Variants in IQCM observed in about 807,000 individuals in gnomAD.
The protein encoded by IQCM is IQ motif containing M, also known as IQ domain-containing protein M.
A neutral mutation model predicts 57.6 loss-of-function variants in IQCM; 45 were observed. That is an observed-to-expected ratio of 0.78 (90% CI 0.62 to 1.00). The LOEUF (loss-of-function observed/expected upper bound fraction) is 1.00. Among genes scored for constraint, IQCM ranks in the 50% least tolerant of loss-of-function variants. The pLI is 0.00. For synonymous variants in IQCM, 148 were observed against 158.9 expected (o/e 0.93, Z 0.51); for missense variants, 468 against 511.6 (o/e 0.91, Z 0.82).
intron 5 of IQCM, among the ~76,000 whole-genome samples, chr4:149,690,436 G>A (rs1408295818): frequency 6.6e-6 from 1 of 151,844 alleles, no homozygotes; most frequent in African/African-American, 2.4e-5. Context: ...AAGGTGGGAG[G>A]GGGATGAGGG....
At chr4:149,480,693 G>C (rs1740684009) in intron 12 of IQCM, among the ~76,000 whole-genome samples, 1 of 152,190 alleles carries the variant, frequency 6.6e-6, no homozygotes, top group East Asian at 1.9e-4. Context: ...CCAAATTTTG[G>C]CAATTGTTAA....
At chr4:149,427,064 C>G (rs896618478) in intron 13 of IQCM, among the ~76,000 whole-genome samples, 4 of 151,696 alleles carry the variant, frequency 2.6e-5, no homozygotes, top group Non-Finnish European at 5.9e-5. Flanking sequence ...TTAGTGTCAT[C>G]CTTTTTTTTA....
At position 149,694,214 on chromosome 4, in the gene IQCM, AT is replaced by A. The variant is rs1273698552; in HGVS notation, c.386-7747del. ...TTACGTTTGCCAGTGCCATGGATTAATTTCTTTTTTTTTTTTTTTTTTTTTT... is the reference window on the plus strand; with the variant it reads ...TTACGTTTGCCAGTGCCATGGATTAATTCTTTTTTTTTTTTTTTTTTTTTT... On this transcript the variant is annotated intron_variant, in intron 5 of 13. Coordinates refer to ENST00000636793, the MANE Select transcript of IQCM (RefSeq NM_001363507.2). Among the ~76,000 whole-genome samples, 36 of 140,110 alleles carry A rather than the reference AT, an allele frequency of 2.6e-4. 1 individual carries two copies. The highest frequency in any genetic ancestry group is 7.0e-4 in the South Asian group (3 of 4,310). 91.9% of individuals were successfully genotyped at this position (140,110 alleles called of 152,430 possible).
intron 2 of IQCM, among the ~76,000 whole-genome samples, chr4:149,761,973 C>A (rs946450436): frequency 3.3e-5 from 5 of 151,844 alleles, no homozygotes; most frequent in African/African-American, 1.2e-4. Flanking sequence ...AAATTAAGGT[C>A]TTTAGAAATT....
intron 13 of IQCM, among the ~76,000 whole-genome samples, chr4:149,430,289 C>T (rs924760083): frequency 6.6e-6 from 1 of 151,918 alleles, no homozygotes. Flanking sequence ...AAAAATACTA[C>T]CAAAATAAAA....
At chr4:149,422,237 A>G (rs2111222446) in intron 13 of IQCM, among the ~76,000 whole-genome samples, 1 of 152,142 alleles carries the variant, frequency 6.6e-6, no homozygotes, top group East Asian at 1.9e-4. Context: ...TAGTTGGAAA[A>G]GTAAAGGAAT....
Position 149,601,705 on chromosome 4 carries a change from T to C in IQCM, c.682-13708A>G, listed in dbSNP as rs756892878. On this transcript the variant is annotated intron_variant, in intron 8 of 13. Transcript: ENST00000636793. ...TTATGAAAGTATATGTTTTAGTACATTACAGTCAACCCTTCATCTGGTTCT... is the reference window on the plus strand; with the variant it reads ...TTATGAAAGTATATGTTTTAGTACACTACAGTCAACCCTTCATCTGGTTCT... Among the ~76,000 whole-genome samples the C allele has an allele frequency of 9.8e-5, 15 of 152,292 alleles. No individual in the cohort carries two copies. The South Asian group carries it at 1.2e-3, about 13-fold the overall frequency.
chr4:149,481,434 A>G (rs895326139), intron 12 of IQCM, among the ~76,000 whole-genome samples: 3 of 152,164 alleles, frequency 2.0e-5, no homozygotes, highest in African/African-American at 4.8e-5. Context: ...ATTTTTGTAT[A>G]GAGCAAGTAA....
chr4:149,533,123 TC>T (rs1746918668), intron 12 of IQCM, among the ~76,000 whole-genome samples: 1 of 152,076 alleles, frequency 6.6e-6, no homozygotes, highest in Admixed American at 6.6e-5. Flanking sequence ...AGTCAAGTTA[TC>T]AGCCTAATTA....
At position 149,670,024 on chromosome 4, in the gene IQCM, G is replaced by T. The variant is rs188835453; in HGVS notation, c.565+12094C>A. 1.6e-4 allele frequency among the ~76,000 whole-genome samples: 24 copies of T among 152,286 alleles called. 1 individual carries two copies. The East Asian group carries it at 4.4e-3, about 28-fold the overall frequency. On this transcript the variant is annotated intron_variant, in intron 7 of 13. Transcript: ENST00000636793. Reference sequence around the variant, plus strand: ...TCCAATTATTTGAAGAAAGTCATTGGTAGCTTGATGGGGATGGCATTGAAT... The same window carrying T: ...TCCAATTATTTGAAGAAAGTCATTGTTAGCTTGATGGGGATGGCATTGAAT...
At chr4:149,592,041 C>T (rs1376287146) in intron 8 of IQCM, among the ~76,000 whole-genome samples, 1 of 152,148 alleles carries the variant, frequency 6.6e-6, no homozygotes, top group Middle Eastern at 3.2e-3. Flanking sequence ...TTGTCTTCCA[C>T]AATGGTTGAG....
chr4:149,765,009 G>A (rs1432193802), intron 2 of IQCM, among the ~76,000 whole-genome samples: 2 of 151,994 alleles, frequency 1.3e-5, no homozygotes, highest in Non-Finnish European at 2.9e-5. Flanking sequence ...ATGATAAAGA[G>A]GAGAAGAGTT....
At chr4:149,764,275 G>T (rs756692053) in intron 2 of IQCM, among the ~76,000 whole-genome samples, 1 of 152,140 alleles carries the variant, frequency 6.6e-6, no homozygotes, top group Non-Finnish European at 1.5e-5. Context: ...AAATGCAATT[G>T]TCTTAAACCC....
At chr4:149,513,209 T>G (rs1407527647) in intron 12 of IQCM, among the ~76,000 whole-genome samples, 2 of 152,128 alleles carry the variant, frequency 1.3e-5, no homozygotes, top group Non-Finnish European at 2.9e-5. Context: ...ATATACTCAG[T>G]GAGGAGAGAG....
At chr4:149,381,692 C>T (rs1351285602) in intron 13 of IQCM, among the ~76,000 whole-genome samples, 1 of 151,900 alleles carries the variant, frequency 6.6e-6, no homozygotes, top group African/African-American at 2.4e-5. Context: ...CTAGGATGCC[C>T]TATCCCTCTT....
intron 7 of IQCM, among the ~76,000 whole-genome samples, chr4:149,660,630 C>T (rs1339908809): frequency 6.6e-6 from 1 of 152,080 alleles, no homozygotes; most frequent in Non-Finnish European, 1.5e-5. Context: ...GGCACATATA[C>T]ACCATGGAAT....
At chr4:149,744,468 A>C (rs1168777963) in intron 2 of IQCM, among the ~76,000 whole-genome samples, 1 of 152,146 alleles carries the variant, frequency 6.6e-6, no homozygotes, top group Non-Finnish European at 1.5e-5. Flanking sequence ...CCTCCACCTT[A>C]ATTCAGTGTG....
At chr4:149,656,148 G>T (rs1222402222) in intron 7 of IQCM, among the ~76,000 whole-genome samples, 3 of 151,906 alleles carry the variant, frequency 2.0e-5, no homozygotes, top group Admixed American at 2.0e-4. Flanking sequence ...TCAAAGGAGA[G>T]CATACATAAA....
intron 12 of IQCM, among the ~76,000 whole-genome samples, chr4:149,442,781 G>A (rs1053576474): frequency 6.6e-6 from 1 of 151,870 alleles, no homozygotes; most frequent in Non-Finnish European, 1.5e-5. Flanking sequence ...TCTACTAATG[G>A]TCTGTTCAAG....
Sources: gnomAD v4.1 joint callset for allele counts (sites outside exome capture counted in the v4.1 genomes callset) on GRCh38, gnomAD v4.1.1 for gene constraint, MANE v1.5 for transcripts, NCBI Gene and HGNC (gene_info 2026-07-23, HGNC 2026-07-21) for gene names.